OR2T12: variants seen among roughly 807,000 people sequenced by gnomAD.
OR2T12 encodes the protein olfactory receptor family 2 subfamily T member 12, also known as olfactory receptor 2T12.
For missense variants in OR2T12, 335 were observed against 404.3 expected, an observed-to-expected ratio of 0.83 and a Z score of 1.47; for synonymous variants, 127 against 160.5, an observed-to-expected ratio of 0.79 and a Z score of 1.58.
intron 1 of OR2T12, among the ~76,000 whole-genome samples, 177 bp downstream of exon 1, chr1:248,303,169 C>T (rs2103040544): frequency 6.6e-6 from 1 of 152,234 alleles, no homozygotes; most frequent in South Asian, 2.1e-4. Context: ...GGTAACCACT[C>T]CTTCTGCTTC....
At chr1:248,299,118 C>T (rs1316023064) in intron 2 of OR2T12, among the ~76,000 whole-genome samples, 1 of 152,152 alleles carries the variant, frequency 6.6e-6, no homozygotes, top group Non-Finnish European at 1.5e-5. Context: ...TAGGAGGAAA[C>T]TGCATCAACT....
In OR2T12 at chr1:248,290,533, GT is replaced by G. The variant is rs1659607326; in HGVS notation, c.*4082del. ...CTGCAATAAACATATGTGTGCATGT[GT>G]CTTTTTAGTGGAATGATTTAAAATC... is the stretch of plus-strand genomic sequence containing the variant. On this transcript the variant is annotated 3_prime_UTR_variant, in exon 3 of 3. Coordinates refer to ENST00000641276, the MANE Select transcript of OR2T12 (RefSeq NM_001004692.2). The G allele has an allele frequency of 6.6e-6, 1 of 152,130 alleles. No homozygotes were observed. Among genetic ancestry groups the G allele is most frequent in the African/African-American group, 2.4e-5 (1 of 41,404 alleles). 9.4% of individuals were successfully genotyped at this position (152,130 alleles called of 1,614,324 possible).
intron 2 of OR2T12, among the ~76,000 whole-genome samples, chr1:248,296,957 G>T (rs981612086): frequency 2.1e-4 from 32 of 152,214 alleles, no homozygotes; most frequent in African/African-American, 6.0e-4. Context: ...GTAACGCCTA[G>T]GTTTTCTTCT....
At chr1:248,299,825 A>G (rs993599451) in intron 2 of OR2T12, among the ~76,000 whole-genome samples, 7 of 152,192 alleles carry the variant, frequency 4.6e-5, no homozygotes, top group African/African-American at 1.7e-4. Context: ...CAGAAATTAT[A>G]ACAAACTGTC....
Position 248,294,449 on chromosome 1 carries a change from G to A in OR2T12, c.*167C>T. ...TTCACTTGAAGAAAAGTACATAAAT[G>A]CTCAAAAATGGTATCTGTCAATACA... On this transcript the variant is annotated 3_prime_UTR_variant, in exon 3 of 3. Coordinates refer to ENST00000641276, the MANE Select transcript of OR2T12 (RefSeq NM_001004692.2). 1 of 837,352 alleles carries A rather than the reference G, an allele frequency of 1.2e-6. No homozygotes were observed. The highest frequency in any genetic ancestry group is 1.8e-6 in the Non-Finnish European group (1 of 547,032). The allele number at this position is 837,352 out of a possible 1,614,324, so 51.9% of individuals were successfully genotyped here. A position where few individuals can be genotyped will look rare whatever the true frequency, so the allele number is the denominator to read the frequency against.
rs139686109 is a variant in OR2T12, at chr1:248,295,048, G to T, written c.531C>A (p.Cys177Ter). ...CCAAACGCACCAACACGGGGGCCTC[G>T]CAGAAGAAGTGATCGATCTCGTGTG... ...CGAHEIDHFF[C>*]EAPVLVRLAC... The change falls in exon 3 of 3, where the codon TGC becomes TGA. Residue 177 changes from cysteine to a stop codon, truncating the protein, a stop_gained. Coordinates refer to ENST00000641276, the MANE Select transcript of OR2T12 (RefSeq NM_001004692.2). LOFTEE classifies it low-confidence loss of function (END_TRUNC). 3.1e-6 allele frequency: 5 copies of T among 1,607,442 alleles called. No individual in the cohort carries two copies. The highest frequency in any genetic ancestry group is 4.2e-6 in the Non-Finnish European group (5 of 1,179,408).
In OR2T12 at chr1:248,297,143, G is replaced by T. The variant is rs531892491; in HGVS notation, c.-8-1557C>A. On this transcript the variant is annotated intron_variant, in intron 2 of 2. Coordinates refer to ENST00000641276, the MANE Select transcript of OR2T12 (RefSeq NM_001004692.2). Reference sequence around the variant, plus strand: ...CCCCATTGCTTGTTTTTCTCAGGTTGGTCAAAGATCAGATAGTTGTAGATA... The same window carrying T: ...CCCCATTGCTTGTTTTTCTCAGGTTTGTCAAAGATCAGATAGTTGTAGATA... Among the ~76,000 whole-genome samples, 511 of 151,764 alleles carry T rather than the reference G, an allele frequency of 3.4e-3. 4 individuals are homozygous for T. The highest frequency in any genetic ancestry group is 0.011 in the African/African-American group (456 of 41,252).
intron 2 of OR2T12, among the ~76,000 whole-genome samples, chr1:248,299,598 C>A (rs978622087): frequency 3.9e-5 from 6 of 152,156 alleles, no homozygotes; most frequent in African/African-American, 1.4e-4. Context: ...AAGACTTCAA[C>A]ACCCACTGTC....
chr1:248,298,759 A>T (rs1450452419), intron 2 of OR2T12, among the ~76,000 whole-genome samples: 11 of 149,614 alleles, frequency 7.4e-5, no homozygotes, highest in African/African-American at 2.5e-4. Context: ...TTTATTAGTC[A>T]TGCTAGCGGT....
chr1:248,296,678 C>T (rs1167313939), intron 2 of OR2T12, among the ~76,000 whole-genome samples: 1 of 152,096 alleles, frequency 6.6e-6, no homozygotes, highest in Non-Finnish European at 1.5e-5. Flanking sequence ...TGTTCATGTC[C>T]TTCGCCCACT....
In OR2T12 at chr1:248,290,628, A is replaced by G. The variant is rs1659609111; in HGVS notation, c.*3988T>C. 1.3e-5 allele frequency: 2 copies of G among 152,312 alleles called. No homozygotes were observed. Among genetic ancestry groups the G allele is most frequent in the Admixed American group, 6.5e-5 (1 of 15,286 alleles). The allele number at this position is 152,312 out of a possible 1,614,324, so 9.4% of individuals were successfully genotyped here. On this transcript the variant is annotated 3_prime_UTR_variant, in exon 3 of 3. Transcript: ENST00000641276. The stretch of plus-strand genomic sequence containing the variant: ...ATTTCTAGTTCTAGATCCTTGAGGA[A>G]TCACCACACTGTCTTCCACAATGGT...
intron 2 of OR2T12, among the ~76,000 whole-genome samples, chr1:248,298,845 AT>A (rs992286201): frequency 6.6e-6 from 1 of 151,276 alleles, no homozygotes; most frequent in Non-Finnish European, 1.5e-5. Flanking sequence ...TTGTGCCTCT[AT>A]TTCCTTCAGT....
intron 2 of OR2T12, among the ~76,000 whole-genome samples, chr1:248,298,865 G>A (rs1659773521): frequency 6.6e-6 from 1 of 151,750 alleles, no homozygotes. Flanking sequence ...GTTCTGCTCT[G>A]ATTTTAGTTA....
At position 248,294,554 on chromosome 1, in the gene OR2T12, A is replaced by C; in HGVS notation, c.*62T>G. On this transcript the variant is annotated 3_prime_UTR_variant, in exon 3 of 3. Coordinates refer to ENST00000641276, the MANE Select transcript of OR2T12 (RefSeq NM_001004692.2). ...TTTCTCTTCATGAATTACTAAAGGG[A>C]GAGAATTACATAGTGTTAAAATGTT... The C allele has an allele frequency of 1.3e-6, 2 of 1,525,706 alleles. No individual in the cohort carries two copies. The highest frequency in any genetic ancestry group is 1.8e-6 in the Non-Finnish European group (2 of 1,135,978). The allele number at this position is 1,525,706 out of a possible 1,614,324, so 94.5% of individuals were successfully genotyped here. A position where few individuals can be genotyped will look rare whatever the true frequency, so the allele number is the denominator to read the frequency against.
chr1:248,296,167 C>G (rs1198685190), intron 2 of OR2T12, among the ~76,000 whole-genome samples: 2 of 152,160 alleles, frequency 1.3e-5, no homozygotes, highest in African/African-American at 2.4e-5. Context: ...ATCCATGTCT[C>G]TACAAAGGAC....
chr1:248,300,975 T>A (rs1299442779), intron 2 of OR2T12, among the ~76,000 whole-genome samples: 1 of 152,162 alleles, frequency 6.6e-6, no homozygotes, highest in Non-Finnish European at 1.5e-5. Flanking sequence ...GATGCAGCAT[T>A]AAAACAAAAT....
rs1659716028 is a variant in OR2T12, at chr1:248,295,745, G to A, written c.-8-159C>T. ...CAGTAGGCACAGCTTTTCCTGACCT[G>A]GCATTCACTTCTCTATAGCTCAACT... On this transcript the variant is annotated intron_variant, in intron 2 of 2. Transcript: ENST00000641276. 6.8e-6 allele frequency: 6 copies of A among 886,836 alleles called. No homozygotes were observed. The Admixed American group carries it at 1.6e-4, about 23-fold the overall frequency. The allele number at this position is 886,836 out of a possible 1,614,324, so 54.9% of individuals were successfully genotyped here.
In OR2T12 at chr1:248,291,084, A is replaced by G. The variant is rs1431260124; in HGVS notation, c.*3532T>C. 6.6e-6 allele frequency: 1 copy of G among 151,990 alleles called. No homozygotes were observed. The highest frequency in any genetic ancestry group is 2.4e-5 in the African/African-American group (1 of 41,382). The allele number at this position is 151,990 out of a possible 1,614,324, so 9.4% of individuals were successfully genotyped here. A position where few individuals can be genotyped will look rare whatever the true frequency, so the allele number is the denominator to read the frequency against. On this transcript the variant is annotated 3_prime_UTR_variant, in exon 3 of 3. Coordinates refer to ENST00000641276, the MANE Select transcript of OR2T12 (RefSeq NM_001004692.2). ...CATTTGTCAGATGGATAGATTGCAA[A>G]AATTTTCTCCCATTCTCTAAGTTGC...
rs375506459 is a variant in OR2T12, at chr1:248,294,665, G to C, written c.914C>G (p.Thr305Arg). Reference protein sequence around the residue: ...VKEALKRWLGTCVNLKHQQNE... With the variant: ...VKEALKRWLGRCVNLKHQQNE... The stretch of plus-strand genomic sequence containing the variant: ...TTGCTGGTGTTTTAGGTTTACACAC[G>C]TCCCCAGCCACCGTTTCAGGGCTTC... Residue 305 changes from threonine (T) to arginine (R), a missense_variant, in exon 3 of 3, where the codon ACG becomes AGG. Physicochemically the swap from Thr to Arg is moderately conservative, Grantham distance 71. Coordinates refer to ENST00000641276, the MANE Select transcript of OR2T12 (RefSeq NM_001004692.2). The C allele has an allele frequency of 1.2e-5, 19 of 1,614,012 alleles. No individual in the cohort carries two copies. Among genetic ancestry groups the C allele is most frequent in the Admixed American group, 1.7e-5 (1 of 59,992 alleles).
Sources: allele counts gnomAD v4.1 joint callset (sites outside exome capture counted in the v4.1 genomes callset), GRCh38; gene constraint gnomAD v4.1.1; transcripts MANE v1.5; gene names NCBI Gene and HGNC (gene_info 2026-07-23, HGNC 2026-07-21).